The following QTMAN variants were observed in gnomAD, a reference collection of about 807,000 sequenced individuals.
QTMAN encodes the protein queuosine-tRNA mannosyltransferase, also known as tRNA-queuosine alpha-mannosyltransferase.
At chr2:144,145,333 T>C in the QTMAN span, among the ~76,000 whole-genome samples, 1 of 151,900 alleles carries the variant, frequency 6.6e-6, no homozygotes, top group East Asian at 1.9e-4. Flanking sequence ...TTTTGAATGT[T>C]GTGAAAAATA....
the QTMAN span, among the ~76,000 whole-genome samples, chr2:144,142,974 A>G: frequency 6.6e-6 from 1 of 152,008 alleles, no homozygotes; most frequent in Non-Finnish European, 1.5e-5. Flanking sequence ...GTATGTGCAC[A>G]ATATTCTCTC....
the QTMAN span, among the ~76,000 whole-genome samples, chr2:144,004,763 T>G: frequency 6.6e-6 from 1 of 151,984 alleles, no homozygotes; most frequent in Non-Finnish European, 1.5e-5. Flanking sequence ...ATCATCATCA[T>G]CATCAGTACT....
the QTMAN span, among the ~76,000 whole-genome samples, chr2:144,261,899 G>C: frequency 2.0e-5 from 3 of 151,724 alleles, no homozygotes; most frequent in Non-Finnish European, 4.4e-5. Context: ...CAACATAGAA[G>C]AATTCAGAGG....
chr2:144,036,334 G>A, the QTMAN span, among the ~76,000 whole-genome samples: 3 of 152,166 alleles, frequency 2.0e-5, no homozygotes, highest in Non-Finnish European at 4.4e-5. Context: ...TACATATGTA[G>A]AGATGCCAGA....
the QTMAN span, chr2:143,938,186 A>G: frequency 4.6e-4 from 70 of 152,364 alleles, no homozygotes; most frequent in African/African-American, 1.5e-3. Context: ...ACCAGAGAGC[A>G]CAAGTTCCCC....
At chr2:144,133,381 ATAT>A in the QTMAN span, among the ~76,000 whole-genome samples, 13 of 51,054 alleles carry the variant, frequency 2.5e-4, no homozygotes, top group African/African-American at 9.0e-4. Context: ...TATAATAATA[ATAT>A]AATATATATT....
the QTMAN span, among the ~76,000 whole-genome samples, chr2:144,063,950 G>A: frequency 7.9e-5 from 12 of 152,124 alleles, no homozygotes; most frequent in African/African-American, 2.9e-4. Flanking sequence ...TAATTAAAAC[G>A]TTTCTGAGTC....
chr2:144,062,621 A>C, the QTMAN span, among the ~76,000 whole-genome samples: 2 of 152,300 alleles, frequency 1.3e-5, no homozygotes, highest in Middle Eastern at 3.4e-3. Context: ...AGGGCTTTCT[A>C]ATTTGTCTCT....
the QTMAN span, among the ~76,000 whole-genome samples, chr2:143,963,624 G>C: frequency 1.3e-5 from 2 of 151,844 alleles, no homozygotes; most frequent in African/African-American, 2.4e-5. Context: ...ATTTTGTTCA[G>C]ATTTTAGAAC....
the QTMAN span, among the ~76,000 whole-genome samples, chr2:144,239,181 G>C: frequency 7.2e-6 from 1 of 139,504 alleles, no homozygotes; most frequent in African/African-American, 2.7e-5. Flanking sequence ...AGAAAAAAAA[G>C]AAAAAAAAAA....
chr2:144,182,580 T>G, the QTMAN span, among the ~76,000 whole-genome samples: 55,980 of 139,498 alleles, frequency 0.4, 12,738 homozygotes, highest in East Asian at 0.76. Flanking sequence ...GGAGGCGGAG[T>G]TTGCAGTGAG....
the QTMAN span, among the ~76,000 whole-genome samples, chr2:144,014,615 A>G: frequency 6.6e-6 from 1 of 152,192 alleles, no homozygotes; most frequent in Non-Finnish European, 1.5e-5. Context: ...CTCATTAGCC[A>G]TGTCTGGTCC....
the QTMAN span, among the ~76,000 whole-genome samples, chr2:144,168,580 A>G: frequency 6.6e-6 from 1 of 152,176 alleles, no homozygotes; most frequent in East Asian, 1.9e-4. Context: ...AATAATCAGT[A>G]CATAGAGACT....
the QTMAN span, among the ~76,000 whole-genome samples, chr2:144,224,412 G>C: frequency 6.6e-6 from 1 of 151,914 alleles, no homozygotes; most frequent in African/African-American, 2.4e-5. Context: ...GCATGCTTGG[G>C]GATAAATTAG....
chr2:143,961,649 G>A, the QTMAN span, among the ~76,000 whole-genome samples: 1 of 152,020 alleles, frequency 6.6e-6, no homozygotes, highest in South Asian at 2.1e-4. Flanking sequence ...GATGTTTTGG[G>A]AGCTGTATTC....
At chr2:143,975,296 C>G in the QTMAN span, among the ~76,000 whole-genome samples, 12 of 152,172 alleles carry the variant, frequency 7.9e-5, no homozygotes, top group Non-Finnish European at 1.5e-4. Flanking sequence ...GATCTCCATA[C>G]TTGTCACTTA....
the QTMAN span, among the ~76,000 whole-genome samples, chr2:144,325,345 G>A: frequency 1.3e-5 from 2 of 152,164 alleles, no homozygotes; most frequent in African/African-American, 4.8e-5. Flanking sequence ...CAGTGCAGGG[G>A]AGAGATGAGC....
the QTMAN span, among the ~76,000 whole-genome samples, chr2:144,298,675 C>T: frequency 2.6e-5 from 4 of 152,206 alleles, no homozygotes; most frequent in African/African-American, 7.2e-5. Context: ...CACCATCTTC[C>T]TGAGTTTTCT....
chr2:144,027,459 A>G, the QTMAN span, among the ~76,000 whole-genome samples: 5 of 152,216 alleles, frequency 3.3e-5, no homozygotes, highest in African/African-American at 1.2e-4. Flanking sequence ...GTCACTTGTC[A>G]GATGAAGCAA....
Sources: allele counts gnomAD v4.1 joint callset (sites outside exome capture counted in the v4.1 genomes callset), GRCh38; gene constraint gnomAD v4.1.1; transcripts MANE v1.5; gene names NCBI Gene and HGNC (gene_info 2026-07-23, HGNC 2026-07-21).